RORB: variants seen among roughly 807,000 people sequenced by gnomAD.
RORB encodes the protein RAR related orphan receptor B.
RORB carries 6 observed loss-of-function variants against 59.1 expected under a neutral mutation model. That is an observed-to-expected ratio of 0.10 (90% CI 0.06 to 0.20). The LOEUF (loss-of-function observed/expected upper bound fraction) is 0.20, where lower values mean the gene tolerates loss of function less well. RORB is among the 10% of genes least tolerant of loss of function. The pLI, the probability that RORB is intolerant of heterozygous loss-of-function variation, is 1.00. For synonymous variants in RORB, 215 were observed against 204.5 expected, an observed-to-expected ratio of 1.05 and a Z score of -0.44; for missense variants, 320 against 560.5, an observed-to-expected ratio of 0.57 and a Z score of 4.33.
intron 9 of RORB, among the ~76,000 whole-genome samples, chr9:74,679,102 T>G (rs146220867): frequency 1.5e-3 from 216 of 140,562 alleles, no homozygotes; most frequent in African/African-American, 5.2e-3. Flanking sequence ...AAAAACTGGG[T>G]GTTATATTAG....
intron 1 of RORB, among the ~76,000 whole-genome samples, chr9:74,566,865 A>C (rs1822477218): frequency 6.6e-6 from 1 of 152,182 alleles, no homozygotes; most frequent in Non-Finnish European, 1.5e-5. Flanking sequence ...TAAATCAGAG[A>C]TGTCATTAGT....
chr9:74,507,047 C>G (rs1825879763), intron 1 of RORB, among the ~76,000 whole-genome samples: 1 of 152,028 alleles, frequency 6.6e-6, no homozygotes, highest in Non-Finnish European at 1.5e-5. Context: ...AATAAGACAA[C>G]CAGTTTTCTG....
chr9:74,633,018 A>ACT (rs372511671), intron 2 of RORB, among the ~76,000 whole-genome samples: 8 of 151,094 alleles, frequency 5.3e-5, no homozygotes, highest in Admixed American at 6.6e-5. Flanking sequence ...GCCAGTTGGG[A>ACT]CTCTCTCTCT....
At chr9:74,667,962 A>G in intron 8 of RORB, 61 bp downstream of exon 8, 1 of 1,005,938 alleles carries the variant, frequency 9.9e-7, no homozygotes, top group Non-Finnish European at 1.6e-6. Flanking sequence ...TTTAACACTG[A>G]TGACACCTGC....
At chr9:74,570,730 C>CGT (rs34021510) in intron 1 of RORB, among the ~76,000 whole-genome samples, 64,056 of 151,522 alleles carry the variant, frequency 0.42, 14,501 homozygotes, top group East Asian at 0.77. Context: ...TGTGCACACA[C>CGT]GTGTGTGTGT....
chr9:74,497,857 C>T lies in RORB; in HGVS notation c.-120C>T, dbSNP rs1218454290. On this transcript the variant is annotated 5_prime_UTR_variant, in exon 1 of 10. Transcript: ENST00000376896. Reference sequence around the variant, plus strand: ...CGTCCGCCTAAAGGGATGGTTTTCTCGGCAGAGCAGCTCTTCGCCGACCAC... The same window carrying T: ...CGTCCGCCTAAAGGGATGGTTTTCTTGGCAGAGCAGCTCTTCGCCGACCAC... The T allele has an allele frequency of 7.9e-7, 1 of 1,268,996 alleles. No homozygotes were observed. Among genetic ancestry groups the T allele is most frequent in the Non-Finnish European group, 1.1e-6 (1 of 894,676 alleles). The allele number at this position is 1,268,996 out of a possible 1,614,324, so 78.6% of individuals were successfully genotyped here. A position where few individuals can be genotyped will look rare whatever the true frequency, so the allele number is the denominator to read the frequency against.
chr9:74,629,346 T>C (rs1823576809), intron 1 of RORB, among the ~76,000 whole-genome samples: 1 of 151,600 alleles, frequency 6.6e-6, no homozygotes, highest in African/African-American at 2.4e-5. Context: ...GCCAGTGAGA[T>C]CAGATGAAAA....
At chr9:74,580,372 C>T (rs1170160647) in intron 1 of RORB, among the ~76,000 whole-genome samples, 1 of 152,102 alleles carries the variant, frequency 6.6e-6, no homozygotes, top group Non-Finnish European at 1.5e-5. Context: ...TACCTTTTGC[C>T]AAGATTTGCA....
At chr9:74,508,428 T>C (rs1825895997) in intron 1 of RORB, among the ~76,000 whole-genome samples, 1 of 152,040 alleles carries the variant, frequency 6.6e-6, no homozygotes, top group Non-Finnish European at 1.5e-5. Context: ...TCCACCAAAA[T>C]TGTACTGTAT....
At chr9:74,595,872 C>T (rs961651057) in intron 1 of RORB, among the ~76,000 whole-genome samples, 3 of 152,102 alleles carry the variant, frequency 2.0e-5, no homozygotes, top group Non-Finnish European at 2.9e-5. Flanking sequence ...AAGCACGTTG[C>T]GTTGGGCTCC....
chr9:74,562,843 C>A (rs188882883), intron 1 of RORB, among the ~76,000 whole-genome samples: 5 of 152,302 alleles, frequency 3.3e-5, no homozygotes, highest in Admixed American at 3.3e-4. Context: ...ATACCTCACC[C>A]AGATTTCCCA....
intron 9 of RORB, among the ~76,000 whole-genome samples, chr9:74,681,137 A>T (rs1824541051): frequency 6.6e-6 from 1 of 152,174 alleles, no homozygotes; most frequent in Non-Finnish European, 1.5e-5. Flanking sequence ...TTTCACGATG[A>T]TTTAAAATTG....
rs539837687 is a variant in RORB at position 74,642,530 on chromosome 9, C to T, written c.352C>T (p.Leu118Phe). The change falls in exon 4 of 10, where the codon CTT becomes TTT. Residue 118 changes from leucine (L) to phenylalanine (F), a missense_variant. Transcript: ENST00000376896. ...RQQQSGEAEALARVYSSSISN... is the reference protein window; with the variant it reads ...RQQQSGEAEAFARVYSSSISN... The stretch of plus-strand genomic sequence containing the variant: ...GCAGCAGAGTGGGGAGGCAGAAGCC[C>T]TTGCCAGGGTGTACAGCAGCAGCAT... 1.9e-6 allele frequency: 3 copies of T among 1,614,222 alleles called. No individual in the cohort carries two copies. The highest frequency in any genetic ancestry group is 2.5e-6 in the Non-Finnish European group (3 of 1,180,042).
At chr9:74,501,627 G>A (rs1470581620) in intron 1 of RORB, among the ~76,000 whole-genome samples, 2 of 152,112 alleles carry the variant, frequency 1.3e-5, no homozygotes, top group Non-Finnish European at 2.9e-5. Context: ...TTCAACTATT[G>A]TTGAAATAAT....
chr9:74,576,336 C>A (rs769485179), intron 1 of RORB, among the ~76,000 whole-genome samples: 8 of 152,052 alleles, frequency 5.3e-5, no homozygotes, highest in African/African-American at 1.9e-4. Context: ...ATTAACTGGA[C>A]GAGCCTTGCA....
rs1824762284 is a variant in RORB, at chr9:74,692,531, G to T, written c.*6913G>T. On this transcript the variant is annotated 3_prime_UTR_variant, in exon 10 of 10. Transcript: ENST00000376896. ...GAAACCGTGGGCTGCCTGGGGCTTG[G>T]CTGTGCCCACTAACCTACTGCGCCT... The T allele has an allele frequency of 6.6e-6, 1 of 152,186 alleles. No homozygotes were observed. Among genetic ancestry groups the T allele is most frequent in the Admixed American group, 6.5e-5 (1 of 15,280 alleles). 9.4% of individuals were successfully genotyped at this position (152,186 alleles called of 1,614,324 possible). A position where few individuals can be genotyped will look rare whatever the true frequency, so the allele number is the denominator to read the frequency against.
chr9:74,578,974 A>T (rs1187291270), intron 1 of RORB, among the ~76,000 whole-genome samples: 3 of 152,122 alleles, frequency 2.0e-5, no homozygotes, highest in Non-Finnish European at 2.9e-5. Context: ...GAGAGGACTC[A>T]CTGACCTTGA....
chr9:74,550,887 T>C (rs751254083), intron 1 of RORB, among the ~76,000 whole-genome samples: 15 of 152,214 alleles, frequency 9.9e-5, no homozygotes, highest in East Asian at 3.8e-4. Context: ...AAATGTACAA[T>C]TGATTCTGAA....
chr9:74,565,088 T>C (rs1265236176), intron 1 of RORB, among the ~76,000 whole-genome samples: 1 of 152,234 alleles, frequency 6.6e-6, no homozygotes, highest in African/African-American at 2.4e-5. Flanking sequence ...TTAAATTTCC[T>C]ATTGTGTTGT....
Sources: gnomAD v4.1 joint callset for allele counts (sites outside exome capture counted in the v4.1 genomes callset) on GRCh38, gnomAD v4.1.1 for gene constraint, MANE v1.5 for transcripts, NCBI Gene and HGNC (gene_info 2026-07-23, HGNC 2026-07-21) for gene names.